Variants in CCSER2 observed in about 807,000 individuals in gnomAD.
CCSER2 encodes coiled-coil serine rich protein 2, also known as serine-rich coiled-coil domain-containing protein 2.
In CCSER2, 46 loss-of-function variants were observed where a neutral mutation model predicts 92.3. The ratio of observed to expected loss-of-function variants is 0.50; its 90% confidence interval spans 0.39 to 0.64. CCSER2 has a LOEUF of 0.64. CCSER2 is among the 30% of genes least tolerant of loss of function. The pLI is 0.00. For missense variants in CCSER2, 1,244 were observed against 1,238.9 expected (o/e 1.00, Z -0.06); for synonymous variants, 433 against 431.4 (o/e 1.00, Z -0.04).
At chr10:84,476,980 A>G (rs2133740284) in intron 8 of CCSER2, among the ~76,000 whole-genome samples, 1 of 152,288 alleles carries the variant, frequency 6.6e-6, no homozygotes, top group Middle Eastern at 3.4e-3. Context: ...ATGAGAACAG[A>G]CATCCTGACA....
chr10:84,446,843 C>T (rs1469503645), intron 6 of CCSER2, among the ~76,000 whole-genome samples: 4 of 151,974 alleles, frequency 2.6e-5, no homozygotes, highest in African/African-American at 4.8e-5. Context: ...TCTTTTTTAA[C>T]TTTATATAAG....
At chr10:84,374,181 C>T (rs913113914) in intron 3 of CCSER2, among the ~76,000 whole-genome samples, 19 of 151,882 alleles carry the variant, frequency 1.3e-4, no homozygotes, top group Non-Finnish European at 1.6e-4. Context: ...GGGTAGATGC[C>T]AAGGATGTTG....
chr10:84,496,388 C>T (rs930441103), intron 9 of CCSER2, among the ~76,000 whole-genome samples: 8 of 152,148 alleles, frequency 5.3e-5, no homozygotes, highest in African/African-American at 1.9e-4. Flanking sequence ...TGGGTTCATG[C>T]TGTTCTCCTG....
At chr10:84,465,237 ATTTGTGTGTGTG>A in intron 7 of CCSER2, among the ~76,000 whole-genome samples, 1 of 93,556 alleles carries the variant, frequency 1.1e-5, no homozygotes, top group Admixed American at 1.2e-4. Context: ...TCTTTCCTGA[ATTTGTGTGTGTG>A]TGTGTGTGTG....
chr10:84,410,141 GTTTC>G (rs1462537743), intron 3 of CCSER2, among the ~76,000 whole-genome samples: 2 of 152,130 alleles, frequency 1.3e-5, no homozygotes, highest in African/African-American at 4.8e-5. Flanking sequence ...ATGTACCACA[GTTTC>G]TTTATCTGGT....
chr10:84,484,604 G>GA (rs1483720541), intron 9 of CCSER2, among the ~76,000 whole-genome samples: 1 of 152,072 alleles, frequency 6.6e-6, no homozygotes, highest in Non-Finnish European at 1.5e-5. Context: ...TATTTTTAGA[G>GA]AAAATCACAT....
At chr10:84,400,103 T>A (rs1295847209) in intron 3 of CCSER2, among the ~76,000 whole-genome samples, 1 of 152,152 alleles carries the variant, frequency 6.6e-6, no homozygotes, top group Non-Finnish European at 1.5e-5. Context: ...TGTTGAGTTG[T>A]AAGAGTTGTT....
chr10:84,338,510 C>T (rs924673281), intron 1 of CCSER2, among the ~76,000 whole-genome samples: 6 of 152,006 alleles, frequency 3.9e-5, no homozygotes, highest in African/African-American at 1.4e-4. Flanking sequence ...GGATCTACGT[C>T]GTTGAAACGT....
chr10:84,491,655 A>G (rs1400242015), intron 9 of CCSER2, among the ~76,000 whole-genome samples: 2 of 152,080 alleles, frequency 1.3e-5, no homozygotes, highest in African/African-American at 4.8e-5. Flanking sequence ...TCCCTTGGCT[A>G]AGAAAGGGAA....
chr10:84,337,631 G>A (rs1843911954), intron 1 of CCSER2, among the ~76,000 whole-genome samples: 1 of 152,176 alleles, frequency 6.6e-6, no homozygotes, highest in Non-Finnish European at 1.5e-5. Flanking sequence ...TCAAGGAATT[G>A]TTTTTTAAAA....
chr10:84,365,329 A>G (rs1177487297), intron 1 of CCSER2, among the ~76,000 whole-genome samples: 2 of 152,248 alleles, frequency 1.3e-5, no homozygotes, highest in African/African-American at 4.8e-5. Context: ...CATGGCTACC[A>G]AAATGAAGCA....
intron 1 of CCSER2, among the ~76,000 whole-genome samples, chr10:84,349,931 A>T (rs1038599748): frequency 6.6e-6 from 1 of 152,126 alleles, no homozygotes; most frequent in African/African-American, 2.4e-5. Flanking sequence ...AGGCAGGCGG[A>T]TCACCTGAGG....
rs747785252 is a variant in CCSER2 at position 84,462,328 on chromosome 10, A to G, written c.2065-1605A>G. On this transcript the variant is annotated intron_variant, in intron 6 of 9. Transcript: ENST00000372088. ...GTACACTTCCCACAAGTGCACCTGCATTTAATGCAAAGCAGTATGTGCTTG... is the reference window on the plus strand; with the variant it reads ...GTACACTTCCCACAAGTGCACCTGCGTTTAATGCAAAGCAGTATGTGCTTG... Among the ~76,000 whole-genome samples, 6 of 152,300 alleles carry G rather than the reference A, an allele frequency of 3.9e-5. No homozygotes were observed. The East Asian group carries it at 7.7e-4, about 20-fold the overall frequency.
At chr10:84,385,942 C>T (rs1183914744) in intron 3 of CCSER2, among the ~76,000 whole-genome samples, 1 of 151,924 alleles carries the variant, frequency 6.6e-6, no homozygotes, top group African/African-American at 2.4e-5. Flanking sequence ...AGACATTTCT[C>T]AAAAGAAGAC....
At chr10:84,417,718 G>GA (rs1842952206) in intron 3 of CCSER2, 53 bp from the exon 4 acceptor site, 2 of 839,310 alleles carry the variant, frequency 2.4e-6, no homozygotes, top group African/African-American at 3.3e-5. Flanking sequence ...AATAATGGTT[G>GA]ACATATCCTT....
intron 6 of CCSER2, among the ~76,000 whole-genome samples, chr10:84,449,917 G>A (rs994090188): frequency 6.6e-6 from 1 of 152,216 alleles, no homozygotes; most frequent in Non-Finnish European, 1.5e-5. Flanking sequence ...ATCTTAAAAT[G>A]CTAAGCATAC....
chr10:84,458,088 A>G (rs980995157), intron 6 of CCSER2, among the ~76,000 whole-genome samples: 1 of 144,446 alleles, frequency 6.9e-6, no homozygotes, highest in Non-Finnish European at 1.5e-5. Flanking sequence ...CATTTTTTCC[A>G]TAGATCATGT....
chr10:84,426,321 T>C (rs1334729075), intron 5 of CCSER2, among the ~76,000 whole-genome samples: 1 of 152,208 alleles, frequency 6.6e-6, no homozygotes, highest in Non-Finnish European at 1.5e-5. Context: ...AGGTACTGTT[T>C]AGTGCTGAAG....
intron 5 of CCSER2, among the ~76,000 whole-genome samples, chr10:84,428,983 G>GTATATATA (rs1843601248): frequency 2.4e-5 from 1 of 41,674 alleles, no homozygotes; most frequent in Non-Finnish European, 5.6e-5. Flanking sequence ...GTGTGTGTAT[G>GTATATATA]TGTATATATA....
Sources: allele counts gnomAD v4.1 joint callset (sites outside exome capture counted in the v4.1 genomes callset), GRCh38; gene constraint gnomAD v4.1.1; transcripts MANE v1.5; gene names NCBI Gene and HGNC (gene_info 2026-07-23, HGNC 2026-07-21).